The following MFF variants were observed in gnomAD, a reference collection of about 807,000 sequenced individuals.
MFF encodes the protein chromosome 2 open reading frame 33.
In MFF, 12 loss-of-function variants were observed where a neutral mutation model predicts 36.9. That is an observed-to-expected ratio of 0.33 (90% confidence interval 0.21 to 0.53). The LOEUF is 0.53. Among genes scored for constraint, MFF ranks in the 20% least tolerant of loss-of-function variants. The pLI, the probability that MFF is intolerant of heterozygous loss-of-function variation, is 0.95. For missense variants in MFF, 348 were observed against 366.6 expected (o/e 0.95, Z 0.42); for synonymous variants, 99 against 126.2 (o/e 0.78, Z 1.44).
At chr2:227,327,632 G>C (rs967340846) in intron 1 of MFF, among the ~76,000 whole-genome samples, 1 of 152,054 alleles carries the variant, frequency 6.6e-6, no homozygotes, top group South Asian at 2.1e-4. Context: ...AGATATTCTC[G>C]TAAGAAAAGA....
chr2:227,337,681 C>T (rs2075110441), intron 4 of MFF, among the ~76,000 whole-genome samples: 2 of 152,210 alleles, frequency 1.3e-5, no homozygotes, highest in South Asian at 4.1e-4. Flanking sequence ...ACTTAGGAAA[C>T]TATTTCTCAG....
At chr2:227,343,542 A>G (rs1346625259) in intron 5 of MFF, among the ~76,000 whole-genome samples, 2 of 152,192 alleles carry the variant, frequency 1.3e-5, no homozygotes, top group Non-Finnish European at 2.9e-5. Flanking sequence ...CTCTGTATTT[A>G]CAATTCCAAG....
At chr2:227,331,290 C>T (rs567040444) in intron 3 of MFF, among the ~76,000 whole-genome samples, 109 of 152,286 alleles carry the variant, frequency 7.2e-4, no homozygotes, top group African/African-American at 2.5e-3. Context: ...AGTATATACT[C>T]TTATCTGTCT....
intron 5 of MFF, among the ~76,000 whole-genome samples, chr2:227,344,626 G>A (rs980401009): frequency 6.6e-6 from 1 of 151,808 alleles, no homozygotes; most frequent in Non-Finnish European, 1.5e-5. Context: ...ATGTAGTTTT[G>A]GCAGTCTTAA....
intron 4 of MFF, among the ~76,000 whole-genome samples, chr2:227,339,486 C>G (rs2075265637): frequency 6.6e-6 from 1 of 152,302 alleles, no homozygotes; most frequent in African/African-American, 2.4e-5. Flanking sequence ...ACTCACATGT[C>G]ACTTGGTACT....
intron 1 of MFF, among the ~76,000 whole-genome samples, chr2:227,326,379 G>A (rs1483048188): frequency 6.6e-6 from 1 of 151,636 alleles, no homozygotes; most frequent in Non-Finnish European, 1.5e-5. Context: ...TGGCTAATGA[G>A]AGCCCAAAAG....
chr2:227,332,836 A>G (rs1264677756), intron 4 of MFF, among the ~76,000 whole-genome samples: 1 of 152,264 alleles, frequency 6.6e-6, no homozygotes, highest in Non-Finnish European at 1.5e-5. Context: ...GTTTGAAGAA[A>G]GAGCCTTTAT....
chr2:227,352,646 G>A, intron 7 of MFF, 73 bp downstream of exon 7: 1 of 1,193,272 alleles, frequency 8.4e-7, no homozygotes, highest in Non-Finnish European at 1.2e-6. Flanking sequence ...CATGTTGCAT[G>A]TCGTAGCCAT....
Position 227,357,635 on chromosome 2 carries a change from T to G in MFF, c.*518T>G, listed in dbSNP as rs559150992. The stretch of plus-strand genomic sequence containing the variant: ...TCGAACCACCTAATATTTCATAACC[T>G]TCTTCATTAGGTACTTGTACAGATT... On this transcript the variant is annotated 3_prime_UTR_variant, in exon 9 of 9. Transcript: ENST00000304593. 1 of 154,032 alleles carries G rather than the reference T, an allele frequency of 6.5e-6. No homozygotes were observed. Among genetic ancestry groups the G allele is most frequent in the African/African-American group, 2.4e-5 (1 of 41,498 alleles). The allele number at this position is 154,032 out of a possible 1,614,324, so 9.5% of individuals were successfully genotyped here.
intron 1 of MFF, among the ~76,000 whole-genome samples, chr2:227,327,488 G>C (rs771677816): frequency 4.0e-5 from 3 of 74,986 alleles, no homozygotes; most frequent in Non-Finnish European, 8.3e-5. Flanking sequence ...GGATAATACA[G>C]TGTTAAATCT....
At chr2:227,331,171 CTCTT>C (rs1291288785) in intron 3 of MFF, among the ~76,000 whole-genome samples, 2 of 152,144 alleles carry the variant, frequency 1.3e-5, no homozygotes, top group Admixed American at 6.5e-5. Flanking sequence ...TCCTTTGTGC[CTCTT>C]TCTCACTCAG....
At chr2:227,334,341 C>G (rs560832075) in intron 4 of MFF, among the ~76,000 whole-genome samples, 2 of 152,126 alleles carry the variant, frequency 1.3e-5, no homozygotes, top group Admixed American at 6.5e-5. Context: ...TTATTGAAAG[C>G]AAAGATGATG....
chr2:227,340,706 A>AT (rs1403866055), intron 5 of MFF: 1 of 175,504 alleles, frequency 5.7e-6, no homozygotes, highest in Non-Finnish European at 1.2e-5. Context: ...TTCCAAAAGT[A>AT]TTTTTTAGCT....
chr2:227,326,887 G>A (rs1372637222), intron 1 of MFF, among the ~76,000 whole-genome samples: 2 of 152,064 alleles, frequency 1.3e-5, no homozygotes, highest in East Asian at 1.9e-4. Flanking sequence ...GGTGACTTCC[G>A]AGGCTTTCTG....
At position 227,340,302 on chromosome 2, in the gene MFF, T is replaced by C. The variant is rs990111189; in HGVS notation, c.362T>C (p.Val121Ala). 4 of 1,613,878 alleles carry C rather than the reference T, an allele frequency of 2.5e-6. No homozygotes were observed. Among genetic ancestry groups the C allele is most frequent in the Non-Finnish European group, 3.4e-6 (4 of 1,179,818 alleles). Residue 121 changes from valine (V) to alanine (A), a missense_variant, in exon 5 of 9, where the codon GTT (valine) becomes GCT (alanine). Val to Ala is a moderately conservative substitution (Grantham distance 64). Transcript: ENST00000304593. ...TTPQNEEIRA[V>A]GRLKRERSMS... The stretch of plus-strand genomic sequence containing the variant: ...TTTGTGCCTTAACAGATCCGAGCAG[T>C]TGGCAGACTAAAAAGAGAGCGGTCT...
intron 2 of MFF, chr2:227,329,694 C>A: frequency 7.8e-7 from 1 of 1,285,288 alleles, no homozygotes; most frequent in Non-Finnish European, 1.1e-6. Flanking sequence ...AACTGAACTG[C>A]AGGGTAGCAG....
chr2:227,349,368 A>T (rs10198065), intron 6 of MFF, among the ~76,000 whole-genome samples: 3,619 of 152,104 alleles, frequency 0.024, 146 homozygotes, highest in African/African-American at 0.081. Context: ...AATAATGAAA[A>T]ATATTTTTGG....
chr2:227,342,837 C>G, intron 5 of MFF: 2 of 1,603,306 alleles, frequency 1.2e-6, no homozygotes, highest in Non-Finnish European at 1.7e-6. Flanking sequence ...TTTATCTGCT[C>G]TGCTTTTGAC....
intron 7 of MFF, among the ~76,000 whole-genome samples, chr2:227,353,152 AC>A (rs1459355956): frequency 5.9e-5 from 9 of 152,164 alleles, no homozygotes; most frequent in Non-Finnish European, 1.2e-4. Context: ...ACTTTCAGAC[AC>A]GCGTAGGTTG....
Sources: allele counts gnomAD v4.1 joint callset (sites outside exome capture counted in the v4.1 genomes callset), GRCh38; gene constraint gnomAD v4.1.1; transcripts MANE v1.5; gene names NCBI Gene and HGNC (gene_info 2026-07-23, HGNC 2026-07-21).